NT5DC1: variants seen among roughly 807,000 people sequenced by gnomAD.
The protein encoded by NT5DC1 is 5'-nucleotidase domain containing 1.
Under a neutral mutation model 59.4 loss-of-function variants are expected in NT5DC1, and 42 were observed. That is an observed-to-expected ratio of 0.71 (90% CI 0.55 to 0.92). The LOEUF (loss-of-function observed/expected upper bound fraction) is 0.92. Ranked by LOEUF, NT5DC1 falls within the 40% of genes least tolerant of loss-of-function variation. The pLI is 0.00. For missense variants in NT5DC1, 501 were observed against 537.1 expected (o/e 0.93, Z 0.66); for synonymous variants, 172 against 188.1 (o/e 0.91, Z 0.70).
intron 6 of NT5DC1, among the ~76,000 whole-genome samples, chr6:116,118,530 T>A (rs1562120796): frequency 2.0e-5 from 3 of 152,302 alleles, no homozygotes; most frequent in Middle Eastern, 3.4e-3. Context: ...GGATGATGGA[T>A]TCTTAAGAGT....
chr6:116,163,044 G>A (rs566464169), intron 6 of NT5DC1, among the ~76,000 whole-genome samples: 28 of 149,108 alleles, frequency 1.9e-4, no homozygotes, highest in South Asian at 1.5e-3. Flanking sequence ...GGAGAATGGC[G>A]TGAACCCGGG....
At chr6:116,145,436 A>T (rs1190733480) in intron 6 of NT5DC1, 2 of 378,010 alleles carry the variant, frequency 5.3e-6, no homozygotes, top group Non-Finnish European at 1.2e-5. Flanking sequence ...ATTATCTCTT[A>T]GTAAGAAGAT....
rs574496507 is a variant in NT5DC1, at chr6:116,204,298, T to C, written c.530-16756T>C. Among the ~76,000 whole-genome samples, 82 of 152,126 alleles carry C rather than the reference T, an allele frequency of 5.4e-4. 2 individuals are homozygous for C. In the South Asian group the frequency reaches 0.016, roughly 29 times the overall value. On this transcript the variant is annotated intron_variant, in intron 6 of 11. Transcript: ENST00000319550. ...AATACAACAAATTGCTTTTTGGTAATTACTTCATTCTCAGCCTTGAATGTA... is the reference window on the plus strand; with the variant it reads ...AATACAACAAATTGCTTTTTGGTAACTACTTCATTCTCAGCCTTGAATGTA...
At chr6:116,195,511 A>C (rs1781204451) in intron 6 of NT5DC1, among the ~76,000 whole-genome samples, 1 of 152,044 alleles carries the variant, frequency 6.6e-6, no homozygotes, top group Non-Finnish European at 1.5e-5. Context: ...GAATAGTTCA[A>C]TACAGGGATT....
At chr6:116,240,219 A>G (rs1771672898) in intron 11 of NT5DC1, among the ~76,000 whole-genome samples, 1 of 152,210 alleles carries the variant, frequency 6.6e-6, no homozygotes, top group Admixed American at 6.5e-5. Flanking sequence ...TCCTAGAATG[A>G]TGTTATCTTC....
intron 6 of NT5DC1, among the ~76,000 whole-genome samples, chr6:116,136,845 C>T (rs900679092): frequency 1.3e-5 from 2 of 152,134 alleles, no homozygotes; most frequent in Non-Finnish European, 2.9e-5. Flanking sequence ...AATATTTAGT[C>T]ACAAATGCAA....
intron 6 of NT5DC1, among the ~76,000 whole-genome samples, chr6:116,181,656 G>A (rs2114474908): frequency 6.6e-6 from 1 of 151,704 alleles, no homozygotes; most frequent in East Asian, 1.9e-4. Flanking sequence ...ACAATCAATT[G>A]GAAACTTACA....
At chr6:116,125,835 C>A in intron 6 of NT5DC1, 1 of 210,480 alleles carries the variant, frequency 4.8e-6, no homozygotes, top group Non-Finnish European at 9.6e-6. Context: ...TCAAAATACA[C>A]TGAAATTCGG....
intron 3 of NT5DC1, among the ~76,000 whole-genome samples, chr6:116,109,720 C>G (rs578082833): frequency 6.6e-6 from 1 of 152,282 alleles, no homozygotes; most frequent in South Asian, 2.1e-4. Flanking sequence ...AATGTTAACC[C>G]CTTTATAAAA....
At chr6:116,227,447 A>G (rs1428717918) in intron 8 of NT5DC1, among the ~76,000 whole-genome samples, 2 of 152,196 alleles carry the variant, frequency 1.3e-5, no homozygotes, top group African/African-American at 2.4e-5. Flanking sequence ...AGATAGCTCA[A>G]CATACCAATT....
intron 6 of NT5DC1, among the ~76,000 whole-genome samples, chr6:116,142,120 CT>C (rs1436659865): frequency 6.6e-6 from 1 of 151,988 alleles, no homozygotes; most frequent in African/African-American, 2.4e-5. Flanking sequence ...TACAAAACTA[CT>C]TTTTTGTAGG....
chr6:116,242,738 G>A (rs1489970735), intron 11 of NT5DC1, among the ~76,000 whole-genome samples: 3 of 152,170 alleles, frequency 2.0e-5, no homozygotes, highest in Non-Finnish European at 4.4e-5. Flanking sequence ...AGAGGCATAT[G>A]CTTTCCGCTT....
At chr6:116,192,094 G>C (rs983894700) in intron 6 of NT5DC1, among the ~76,000 whole-genome samples, 9 of 152,014 alleles carry the variant, frequency 5.9e-5, no homozygotes, top group African/African-American at 2.2e-4. Flanking sequence ...TTAAGAATTT[G>C]TCATGTGGAC....
Position 116,100,966 on chromosome 6 carries a change from G to A in NT5DC1, c.36G>A (p.Val12=), listed in dbSNP as rs771952729. The part of the protein sequence containing the change: ...AQHFSLAACD[V]VGFDLDHTLC... Reference sequence around the variant, plus strand: ...ACTTCTCCCTGGCCGCCTGCGACGTGGTCGGATTCGACCTGGACCACACTC... The same window carrying A: ...ACTTCTCCCTGGCCGCCTGCGACGTAGTCGGATTCGACCTGGACCACACTC... Residue 12 remains valine (V), a synonymous_variant, in exon 1 of 12, where the codon GTG becomes GTA. Coordinates refer to ENST00000319550, the MANE Select transcript of NT5DC1 (RefSeq NM_152729.3). The A allele has an allele frequency of 3.1e-6, 5 of 1,605,050 alleles. No individual in the cohort carries two copies. The East Asian group carries it at 6.9e-5, about 22-fold the overall frequency.
chr6:116,241,453 A>G (rs1414227728), intron 11 of NT5DC1, among the ~76,000 whole-genome samples: 1 of 152,226 alleles, frequency 6.6e-6, no homozygotes, highest in Non-Finnish European at 1.5e-5. Context: ...AACATGTTCT[A>G]ACATGCTAGA....
At chr6:116,103,821 A>G (rs973365904) in intron 1 of NT5DC1, among the ~76,000 whole-genome samples, 6 of 152,186 alleles carry the variant, frequency 3.9e-5, no homozygotes, top group African/African-American at 1.4e-4. Flanking sequence ...CAGACTCAGA[A>G]GTCTGATACC....
At position 116,150,636 on chromosome 6, in the gene NT5DC1, G is replaced by A. The variant is rs77441972; in HGVS notation, c.529+32691G>A. Among the ~76,000 whole-genome samples, 934 of 152,238 alleles carry A rather than the reference G, an allele frequency of 6.1e-3. 7 individuals carry two copies. Among genetic ancestry groups the A allele is most frequent in the Middle Eastern group, 0.031 (9 of 294 alleles). On this transcript the variant is annotated intron_variant, in intron 6 of 11. Coordinates refer to ENST00000319550, the MANE Select transcript of NT5DC1 (RefSeq NM_152729.3). ...GGGGCAGTGGAAATAGAAGTCCCTG[G>A]ACAAGAGTGAGTTTTAGGTACTTTA...
At chr6:116,125,386 G>C in intron 6 of NT5DC1, 2 of 1,613,778 alleles carry the variant, frequency 1.2e-6, no homozygotes, top group South Asian at 2.2e-5. Context: ...CTTGGTGTTG[G>C]GTAGTGGGCC....
chr6:116,134,074 T>C (rs1779531728), intron 6 of NT5DC1, among the ~76,000 whole-genome samples: 1 of 152,208 alleles, frequency 6.6e-6, no homozygotes, highest in Non-Finnish European at 1.5e-5. Context: ...TAATTTTATA[T>C]GTTAGGATCT....
Sources: gnomAD v4.1 joint callset for allele counts (sites outside exome capture counted in the v4.1 genomes callset) on GRCh38, gnomAD v4.1.1 for gene constraint, MANE v1.5 for transcripts, NCBI Gene and HGNC (gene_info 2026-07-23, HGNC 2026-07-21) for gene names.